FBXO34: variants seen among roughly 807,000 people sequenced by gnomAD.
The protein encoded by FBXO34 is F-box protein 34.
Under a neutral mutation model 24.5 loss-of-function variants are expected in FBXO34, and 12 were observed. The observed-to-expected ratio is 0.49, with a 90% confidence interval of 0.31 to 0.79. The LOEUF is 0.79. FBXO34 is among the 30% of genes least tolerant of loss of function. The probability of loss-of-function intolerance (pLI) is 0.04; values close to 1 mark genes in which losing one functional copy is unlikely to be tolerated. For synonymous variants in FBXO34, 320 were observed against 311.9 expected (o/e 1.03, Z -0.27); for missense variants, 823 against 857.7 (o/e 0.96, Z 0.51).
At chr14:55,373,522 C>T (rs1305810156), downstream of FBXO34, among the ~76,000 whole-genome samples, 1 of 152,158 alleles carries the variant, frequency 6.6e-6, no homozygotes, top group Non-Finnish European at 1.5e-5. Context: ...TGTAGCAGCA[C>T]GATCTCAGCT....
chr14:55,371,922 G>A (rs766212190), downstream of FBXO34, among the ~76,000 whole-genome samples: 4 of 152,136 alleles, frequency 2.6e-5, no homozygotes, highest in Non-Finnish European at 5.9e-5. Flanking sequence ...ACTTTCTACT[G>A]CCCCTTGAAT....
chr14:55,439,863 A>G, the FBXO34 span, among the ~76,000 whole-genome samples: 7 of 146,312 alleles, frequency 4.8e-5, no homozygotes, highest in East Asian at 1.0e-3. Flanking sequence ...CCTGGGAGGC[A>G]GAGCTTGCAG....
chr14:55,386,899 A>C, the FBXO34 span, among the ~76,000 whole-genome samples: 1 of 152,174 alleles, frequency 6.6e-6, no homozygotes, highest in African/African-American at 2.4e-5. Flanking sequence ...ACCCAAGTTC[A>C]AAATCAAGTT....
At chr14:55,430,466 G>T in the FBXO34 span, among the ~76,000 whole-genome samples, 1 of 150,518 alleles carries the variant, frequency 6.6e-6, no homozygotes, top group African/African-American at 2.4e-5. Context: ...GAGTGCAGTG[G>T]CATGATCATA....
chr14:55,351,554 G>A lies in FBXO34; in HGVS notation c.1164G>A (p.Glu388=). ...TGAGTTTCCACATAGACAGTGCAGA[G>A]TTAGAGCCGGGTTCGCAAACTGCCG... The part of the protein sequence containing the change: ...AGVSFHIDSA[E]LEPGSQTAVK... Residue 388 remains glutamate, a synonymous_variant, in exon 2 of 2, where the codon GAG becomes GAA. Coordinates refer to ENST00000313833, the MANE Select transcript of FBXO34 (RefSeq NM_017943.4). 6.2e-7 allele frequency: 1 copy of A among 1,614,184 alleles called. No individual in the cohort carries two copies. Among genetic ancestry groups the A allele is most frequent in the Non-Finnish European group, 8.5e-7 (1 of 1,180,036 alleles).
At chr14:55,365,058 T>A (rs1044938236), downstream of FBXO34, among the ~76,000 whole-genome samples, 12 of 124,454 alleles carry the variant, frequency 9.6e-5, no homozygotes, top group East Asian at 4.7e-4. Context: ...ATCTCTACTT[T>A]AAAAAAAAAA....
At chr14:55,283,344 A>G (rs1881625750) in intron 1 of FBXO34, among the ~76,000 whole-genome samples, 1 of 151,976 alleles carries the variant, frequency 6.6e-6, no homozygotes, top group Admixed American at 6.6e-5. Context: ...AACCTATTTT[A>G]TATGCGAGGT....
intron 1 of FBXO34, among the ~76,000 whole-genome samples, chr14:55,317,480 CAAAAA>C (rs751787937): frequency 1.1e-4 from 16 of 149,796 alleles, no homozygotes; most frequent in Non-Finnish European, 2.4e-4. Flanking sequence ...GACCCTGTCT[CAAAAA>C]AAACAAAAAC....
chr14:55,426,821 G>A, the FBXO34 span, among the ~76,000 whole-genome samples: 4 of 152,304 alleles, frequency 2.6e-5, no homozygotes, highest in South Asian at 2.1e-4. Flanking sequence ...TTCTCACTGC[G>A]CCTTACTGGC....
At chr14:55,371,085 C>A (rs550243732), downstream of FBXO34, among the ~76,000 whole-genome samples, 3 of 152,178 alleles carry the variant, frequency 2.0e-5, no homozygotes, top group Non-Finnish European at 2.9e-5. Flanking sequence ...CAGGGTGGGA[C>A]CAAGGTGCCG....
At chr14:55,300,804 T>TC (rs953633794) in intron 1 of FBXO34, among the ~76,000 whole-genome samples, 6 of 152,224 alleles carry the variant, frequency 3.9e-5, no homozygotes, top group African/African-American at 1.4e-4. Context: ...TCGGTCATTT[T>TC]CCCACACAGT....
intron 1 of FBXO34, among the ~76,000 whole-genome samples, chr14:55,304,103 A>G (rs1377211412): frequency 2.0e-5 from 3 of 152,214 alleles, no homozygotes; most frequent in Non-Finnish European, 4.4e-5. Context: ...ATTGTTTAGT[A>G]TGAGTTAGCA....
the FBXO34 span, among the ~76,000 whole-genome samples, chr14:55,402,926 A>AATATAT: frequency 0.013 from 216 of 16,320 alleles, 3 homozygotes; most frequent in Middle Eastern, 0.091. Context: ...AAAAAAAAAA[A>AATATAT]ATATATATAT....
downstream of FBXO34, among the ~76,000 whole-genome samples, chr14:55,356,885 A>G (rs956283778): frequency 5.3e-5 from 8 of 152,084 alleles, no homozygotes; most frequent in Non-Finnish European, 7.4e-5. Flanking sequence ...AGTAGCTGCA[A>G]CTACAGCTGC....
the FBXO34 span, chr14:55,390,881 G>C: frequency 6.8e-7 from 1 of 1,467,854 alleles, no homozygotes. Context: ...GCACTTTCTA[G>C]GGCTGGAAGG....
At chr14:55,391,139 C>T in the FBXO34 span, 29 of 572,608 alleles carry the variant, frequency 5.1e-5, no homozygotes, top group Non-Finnish European at 6.6e-5. Context: ...AACTATGGAA[C>T]ATTACGAAAA....
At chr14:55,388,276 C>A in the FBXO34 span, among the ~76,000 whole-genome samples, 4 of 152,166 alleles carry the variant, frequency 2.6e-5, no homozygotes, top group African/African-American at 9.7e-5. Context: ...TTAATCTATC[C>A]AGCCATGATT....
At chr14:55,273,395 A>G (rs1008208999) in intron 1 of FBXO34, among the ~76,000 whole-genome samples, 1 of 152,160 alleles carries the variant, frequency 6.6e-6, no homozygotes, top group Non-Finnish European at 1.5e-5. Flanking sequence ...TTTGATCCTC[A>G]CCACAACCTT....
chr14:55,320,707 G>A lies in FBXO34; in HGVS notation c.-10-29674G>A, dbSNP rs989477367. On this transcript the variant is annotated intron_variant, in intron 1 of 1. Coordinates refer to ENST00000313833, the MANE Select transcript of FBXO34 (RefSeq NM_017943.4). ...CGGGAGGTGGAGCTTGCGGTAAGTCGAGATCTGCCACTGCACTCCAGCCTG... is the reference window on the plus strand; with the variant it reads ...CGGGAGGTGGAGCTTGCGGTAAGTCAAGATCTGCCACTGCACTCCAGCCTG... Among the ~76,000 whole-genome samples the A allele has an allele frequency of 8.5e-5, 13 of 152,210 alleles. No homozygotes were observed. The East Asian group carries it at 1.5e-3, about 18-fold the overall frequency.
Sources: allele counts gnomAD v4.1 joint callset (sites outside exome capture counted in the v4.1 genomes callset), GRCh38; gene constraint gnomAD v4.1.1; transcripts MANE v1.5; gene names NCBI Gene and HGNC (gene_info 2026-07-23, HGNC 2026-07-21).